MSANTD5: variants seen among roughly 807,000 people sequenced by gnomAD.
MSANTD5 encodes Myb/SANT DNA binding domain containing 5.
chr5:178,695,196 G>A (rs1372831433), intron 3 of MSANTD5, 91 bp downstream of exon 3: 1 of 152,266 alleles, frequency 6.6e-6, no homozygotes. Context: ...ATCATTCTTT[G>A]CTCTACTCAG....
chr5:178,699,003 C>T (rs1003665392), upstream of MSANTD5, among the ~76,000 whole-genome samples: 4 of 152,050 alleles, frequency 2.6e-5, no homozygotes, highest in African/African-American at 9.7e-5. Context: ...AGATTTCAGG[C>T]CTCCATTTCC....
upstream of MSANTD5, among the ~76,000 whole-genome samples, chr5:178,699,774 G>A (rs765899817): frequency 4.0e-5 from 6 of 151,818 alleles, no homozygotes; most frequent in Non-Finnish European, 7.4e-5. Flanking sequence ...AATTAAAATA[G>A]TGCAGGCATC....
the MSANTD5 span, among the ~76,000 whole-genome samples, chr5:178,702,696 C>A: frequency 6.6e-6 from 1 of 152,026 alleles, no homozygotes; most frequent in African/African-American, 2.4e-5. Context: ...CTCTTGGGTT[C>A]AAGCAATTCT....
At chr5:178,703,702 G>T in the MSANTD5 span, among the ~76,000 whole-genome samples, 1 of 151,906 alleles carries the variant, frequency 6.6e-6, no homozygotes. Flanking sequence ...CAAATATTTG[G>T]CTGGGTGCAG....
chr5:178,706,337 C>T, the MSANTD5 span, among the ~76,000 whole-genome samples: 2 of 152,122 alleles, frequency 1.3e-5, no homozygotes, highest in Admixed American at 6.5e-5. Flanking sequence ...CTTTCATCTC[C>T]ACTTGTAACT....
chr5:178,702,852 C>T, the MSANTD5 span, among the ~76,000 whole-genome samples: 55 of 152,204 alleles, frequency 3.6e-4, no homozygotes, highest in South Asian at 8.3e-4. Flanking sequence ...CCGCCTCGGC[C>T]TCCCAAAGTG....
intron 1 of MSANTD5, among the ~76,000 whole-genome samples, 176 bp downstream of exon 1, chr5:178,697,410 C>T (rs1350855015): frequency 3.9e-5 from 6 of 152,096 alleles, no homozygotes; most frequent in Non-Finnish European, 7.4e-5. Flanking sequence ...GCCGGGATCG[C>T]GCCCCTGCAC....
chr5:178,694,286 A>G (rs1027012470), downstream of MSANTD5, among the ~76,000 whole-genome samples: 1 of 143,988 alleles, frequency 6.9e-6, no homozygotes, highest in Non-Finnish European at 1.5e-5. Flanking sequence ...ACTGCACTCC[A>G]GCCTGGGCAA....
chr5:178,701,165 G>A (rs1379077838), upstream of MSANTD5, among the ~76,000 whole-genome samples: 7 of 152,020 alleles, frequency 4.6e-5, no homozygotes, highest in African/African-American at 1.5e-4. Context: ...TTTTAGTAGA[G>A]ACGGGGTTTC....
At chr5:178,701,731 T>C (rs2113857675), upstream of MSANTD5, among the ~76,000 whole-genome samples, 1 of 147,740 alleles carries the variant, frequency 6.8e-6, no homozygotes, top group South Asian at 2.1e-4. Flanking sequence ...TTTATAAATA[T>C]ATATTTATTA....
chr5:178,694,354 C>T (rs1305332447), downstream of MSANTD5, among the ~76,000 whole-genome samples: 2 of 148,336 alleles, frequency 1.3e-5, no homozygotes, highest in East Asian at 2.0e-4. Flanking sequence ...TATGATCACA[C>T]AGCCAGGAAA....
At chr5:178,702,259 T>C (rs1227244286), upstream of MSANTD5, among the ~76,000 whole-genome samples, 4 of 151,498 alleles carry the variant, frequency 2.6e-5, no homozygotes, top group African/African-American at 9.7e-5. Flanking sequence ...TTGAAAGAAA[T>C]GCTGGCAGAG....
upstream of MSANTD5, chr5:178,697,721 T>C (rs1293549373): frequency 6.6e-6 from 1 of 152,070 alleles, no homozygotes; most frequent in Non-Finnish European, 1.5e-5. Context: ...GGAACCCGAG[T>C]GTGGAAATGT....
At chr5:178,696,835 C>G (rs183123306) in intron 1 of MSANTD5, among the ~76,000 whole-genome samples, 25 of 152,010 alleles carry the variant, frequency 1.6e-4, no homozygotes, top group Admixed American at 4.6e-4. Flanking sequence ...CTCTGTGGAT[C>G]TACTGGGAAG....
chr5:178,696,589 G>A (rs1213132074), intron 1 of MSANTD5, among the ~76,000 whole-genome samples: 1 of 152,108 alleles, frequency 6.6e-6, no homozygotes, highest in Admixed American at 6.5e-5. Context: ...TTAGACACTG[G>A]ACAAGGGCGC....
At chr5:178,699,656 C>T (rs557888681), upstream of MSANTD5, among the ~76,000 whole-genome samples, 884 of 152,284 alleles carry the variant, frequency 5.8e-3, 3 homozygotes, top group Non-Finnish European at 9.7e-3. Context: ...GGTGATCCAC[C>T]CACCTTGGCC....
At chr5:178,698,749 CTT>C (rs70997624), upstream of MSANTD5, among the ~76,000 whole-genome samples, 22 of 98,790 alleles carry the variant, frequency 2.2e-4, no homozygotes, top group South Asian at 3.6e-4. Flanking sequence ...CATGCTTGGC[CTT>C]TTTTTTTTTT....
chr5:178,704,713 C>A, the MSANTD5 span, among the ~76,000 whole-genome samples: 1 of 152,156 alleles, frequency 6.6e-6, no homozygotes, highest in African/African-American at 2.4e-5. Flanking sequence ...CCCTGAGCTA[C>A]GGATGAGAAC....
At chr5:178,691,840 T>C (rs550041130), downstream of MSANTD5, among the ~76,000 whole-genome samples, 1 of 136,002 alleles carries the variant, frequency 7.4e-6, no homozygotes, top group Non-Finnish European at 1.7e-5. Context: ...CATAAGTAGA[T>C]ATCACCGCTT....
Sources: gnomAD v4.1 joint callset for allele counts (sites outside exome capture counted in the v4.1 genomes callset) on GRCh38, gnomAD v4.1.1 for gene constraint, MANE v1.5 for transcripts, NCBI Gene and HGNC (gene_info 2026-07-23, HGNC 2026-07-21) for gene names.